Variants in SOX6 observed in about 807,000 individuals in gnomAD.
SOX6 encodes the protein SRY-box transcription factor 6.
SOX6 carries 11 observed loss-of-function variants against 97.8 expected under a neutral mutation model. That is an observed-to-expected ratio of 0.11 (90% confidence interval 0.07 to 0.19). The LOEUF is 0.19. SOX6 is among the 10% of genes least tolerant of loss of function. The pLI, the probability that SOX6 is intolerant of heterozygous loss-of-function variation, is 1.00. For missense variants in SOX6, 810 were observed against 1,039.5 expected, an observed-to-expected ratio of 0.78 and a Z score of 3.04; for synonymous variants, 360 against 371.4, an observed-to-expected ratio of 0.97 and a Z score of 0.35.
intron 2 of SOX6, among the ~76,000 whole-genome samples, chr11:16,723,081 T>C (rs1298140737): frequency 1.3e-5 from 2 of 152,066 alleles, no homozygotes; most frequent in Admixed American, 6.6e-5. Context: ...AACCTAATTA[T>C]CCATCAATTA....
At chr11:16,580,632 A>C (rs1848023627) in intron 4 of SOX6, among the ~76,000 whole-genome samples, 1 of 152,114 alleles carries the variant, frequency 6.6e-6, no homozygotes, top group Admixed American at 6.6e-5. Context: ...TGTTGCATCC[A>C]CAAAAGAAAC....
chr11:16,290,191 C>T (rs765517298), intron 3 of SOX6, among the ~76,000 whole-genome samples: 1 of 151,890 alleles, frequency 6.6e-6, no homozygotes, highest in Non-Finnish European at 1.5e-5. Context: ...CTAACAAACA[C>T]AACCAAAGCA....
At chr11:16,730,851 C>T (rs1848344424) in intron 2 of SOX6, among the ~76,000 whole-genome samples, 1 of 151,838 alleles carries the variant, frequency 6.6e-6, no homozygotes, top group African/African-American at 2.4e-5. Context: ...AGACCACTAG[C>T]CAGACTAATA....
chr11:16,403,308 T>A (rs1204524069), intron 1 of SOX6, among the ~76,000 whole-genome samples: 1 of 151,764 alleles, frequency 6.6e-6, no homozygotes, highest in Non-Finnish European at 1.5e-5. Context: ...GTTCTGGTCT[T>A]GTCCATTGAA....
At chr11:16,014,897 G>T in intron 13 of SOX6, 45 bp downstream of exon 13, 1 of 1,551,440 alleles carries the variant, frequency 6.4e-7, no homozygotes, top group Non-Finnish European at 8.9e-7. Context: ...CACACATTTG[G>T]AAACACATGG....
chr11:16,662,706 T>C lies in SOX6; in HGVS notation n.430-50446A>G, dbSNP rs143706177. Among the ~76,000 whole-genome samples the C allele has an allele frequency of 8.1e-3, 1,227 of 152,332 alleles. 21 individuals are homozygous for C. The highest frequency in any genetic ancestry group is 0.027 in the African/African-American group (1,115 of 41,572). ...GAAATTAATTTTAAAAAACTTTTTT[T>C]CTTTTCAGACAGGGTCTCACTCTGT... On this transcript the variant is annotated intron_variant and non_coding_transcript_variant, in intron 3 of 5. Coordinates refer to the SOX6 transcript ENST00000524520.
rs79135828 is a variant in SOX6, at chr11:16,485,255, T to C, written n.610-8867A>G. On this transcript the variant is annotated intron_variant and non_coding_transcript_variant, in intron 4 of 5. Coordinates refer to the SOX6 transcript ENST00000524520. ...AATAAGAGCTATCTATGAACAAAGG[T>C]GGTCAGCATAAAAATAGTGTCTACA... Among the ~76,000 whole-genome samples the C allele has an allele frequency of 9.5e-3, 1,452 of 152,138 alleles. 23 individuals carry two copies. The highest frequency in any genetic ancestry group is 0.033 in the African/African-American group (1,374 of 41,486).
intron 4 of SOX6, among the ~76,000 whole-genome samples, chr11:16,524,980 G>A (rs1436864020): frequency 6.6e-6 from 1 of 152,196 alleles, no homozygotes; most frequent in Non-Finnish European, 1.5e-5. Context: ...TGAAATAAAA[G>A]AGGATACAAA....
upstream of SOX6, among the ~76,000 whole-genome samples, chr11:16,359,462 C>T (rs938970157): frequency 1.3e-5 from 2 of 151,782 alleles, no homozygotes; most frequent in African/African-American, 2.4e-5. Flanking sequence ...CTGAATTTCC[C>T]TTATGAAAAA....
At chr11:16,213,914 G>A (rs1038704091) in intron 4 of SOX6, among the ~76,000 whole-genome samples, 10 of 152,056 alleles carry the variant, frequency 6.6e-5, no homozygotes, top group South Asian at 4.1e-4. Flanking sequence ...TCATAGAAAC[G>A]TCTTGTTATA....
chr11:16,438,331 C>T (rs961063847), intron 1 of SOX6, among the ~76,000 whole-genome samples: 2 of 151,830 alleles, frequency 1.3e-5, no homozygotes, highest in African/African-American at 2.4e-5. Flanking sequence ...AAAAACTGAA[C>T]CTAAGTAATA....
At chr11:16,459,874 ATATGGAGGGG>A (rs1859886345) in intron 1 of SOX6, among the ~76,000 whole-genome samples, 1 of 152,014 alleles carries the variant, frequency 6.6e-6, no homozygotes, top group South Asian at 2.1e-4. Flanking sequence ...TACATGTATA[ATATGGAGGGG>A]CACGAACAAA....
At chr11:16,083,665 C>T (rs1848521289) in intron 9 of SOX6, among the ~76,000 whole-genome samples, 1 of 152,168 alleles carries the variant, frequency 6.6e-6, no homozygotes, top group African/African-American at 2.4e-5. Context: ...TAAACCAGGC[C>T]ACAGACTAGC....
intron 1 of SOX6, among the ~76,000 whole-genome samples, chr11:16,350,160 C>T (rs1204906940): frequency 6.6e-6 from 1 of 152,204 alleles, no homozygotes; most frequent in African/African-American, 2.4e-5. Context: ...ATGCTTTCAT[C>T]TGGTATCAGT....
chr11:16,515,233 G>A lies in SOX6; in HGVS notation n.610-38845C>T, dbSNP rs551926621. Among the ~76,000 whole-genome samples the A allele has an allele frequency of 1.3e-4, 20 of 152,236 alleles. No homozygotes were observed. In the East Asian group the frequency reaches 2.3e-3, roughly 18 times the overall value. ...GTTGTTTCCTGACTTTTTAATGATC[G>A]CCACTTTAACTGGTGTGAGATGGTA... On this transcript the variant is annotated intron_variant and non_coding_transcript_variant, in intron 4 of 5. Transcript: ENST00000524520.
intron 13 of SOX6, among the ~76,000 whole-genome samples, chr11:16,005,439 C>CT (rs1489955279): frequency 6.6e-6 from 1 of 151,744 alleles, no homozygotes; most frequent in Non-Finnish European, 1.5e-5. Context: ...TACAGATAGG[C>CT]TTTTTTATAA....
intron 1 of SOX6, among the ~76,000 whole-genome samples, chr11:16,392,833 T>C (rs1257667151): frequency 6.6e-6 from 1 of 152,130 alleles, no homozygotes; most frequent in Non-Finnish European, 1.5e-5. Flanking sequence ...AACTTCATTA[T>C]TGGCTTCACA....
At chr11:16,369,238 A>G (rs187925228) in intron 1 of SOX6, among the ~76,000 whole-genome samples, 3 of 152,300 alleles carry the variant, frequency 2.0e-5, no homozygotes, top group Admixed American at 6.5e-5. Flanking sequence ...CATTTGCCCC[A>G]TCTACAGCTA....
intron 9 of SOX6, among the ~76,000 whole-genome samples, chr11:16,078,700 G>A (rs1848409779): frequency 6.6e-6 from 1 of 152,114 alleles, no homozygotes; most frequent in Admixed American, 6.5e-5. Context: ...GAAATATAAA[G>A]TGATCAGGTA....
Sources: allele counts gnomAD v4.1 joint callset (sites outside exome capture counted in the v4.1 genomes callset), GRCh38; gene constraint gnomAD v4.1.1; transcripts MANE v1.5; gene names NCBI Gene and HGNC (gene_info 2026-07-23, HGNC 2026-07-21).